Variants in GSE1 observed in about 807,000 individuals in gnomAD.
GSE1 encodes Gse1 coiled-coil protein, also known as genetic suppressor element 1.
A neutral mutation model predicts 112.6 loss-of-function variants in GSE1; 32 were observed. The observed-to-expected ratio is 0.28, with a 90% CI of 0.21 to 0.38. The LOEUF (loss-of-function observed/expected upper bound fraction) is 0.38, where lower values mean the gene tolerates loss of function less well. Ranked by LOEUF, GSE1 falls within the 10% of genes least tolerant of loss-of-function variation. The probability of loss-of-function intolerance (pLI) is 1.00; values close to 1 mark genes in which losing one functional copy is unlikely to be tolerated. For synonymous variants in GSE1, 1,115 were observed against 735.6 expected (o/e 1.52, Z -8.35); for missense variants, 2,348 against 1,699.2 (o/e 1.38, Z -6.71).
upstream of GSE1, chr16:85,554,937 C>G: frequency 1.0e-6 from 1 of 985,418 alleles, no homozygotes; most frequent in Non-Finnish European, 1.2e-6. Flanking sequence ...CAGCGGCACC[C>G]TCCCCGGGTT....
At chr16:85,257,142 A>G (rs1907170897) in intron 1 of GSE1, among the ~76,000 whole-genome samples, 4 of 152,180 alleles carry the variant, frequency 2.6e-5, no homozygotes, top group Non-Finnish European at 4.4e-5. Flanking sequence ...TTTTTGAGAC[A>G]GGGTCACCCA....
chr16:85,460,063 C>G (rs1317507746), intron 2 of GSE1, among the ~76,000 whole-genome samples: 1 of 152,200 alleles, frequency 6.6e-6, no homozygotes, highest in Non-Finnish European at 1.5e-5. Context: ...TACCTTCACC[C>G]AGCGCCTGGC....
At position 85,672,587 on chromosome 16, in the gene GSE1, A is replaced by G. The variant is rs766256149; in HGVS notation, c.*48A>G. The G allele has an allele frequency of 7.7e-7, 1 of 1,305,426 alleles. No homozygotes were observed. Among genetic ancestry groups the G allele is most frequent in the Admixed American group, 2.2e-5 (1 of 44,578 alleles). The allele number at this position is 1,305,426 out of a possible 1,614,324, so 80.9% of individuals were successfully genotyped here. A position where few individuals can be genotyped will look rare whatever the true frequency, so the allele number is the denominator to read the frequency against. ...AACCTATAGTATAGAAATATTATCT[A>G]TTTTATTACCTTGAATATTTAATAT... On this transcript the variant is annotated 3_prime_UTR_variant, in exon 16 of 16. Transcript: ENST00000253458.
intron 2 of GSE1, among the ~76,000 whole-genome samples, chr16:85,466,562 T>C (rs2151835507): frequency 6.6e-6 from 1 of 152,196 alleles, no homozygotes; most frequent in East Asian, 1.9e-4. Flanking sequence ...TAGGGCCAGG[T>C]GGCCATGCCT....
chr16:85,325,779 C>T (rs575904771), intron 1 of GSE1, among the ~76,000 whole-genome samples: 2 of 118,620 alleles, frequency 1.7e-5, no homozygotes, highest in African/African-American at 6.9e-5. Flanking sequence ...TTTTTTGAGA[C>T]GGAGTCTCCC....
chr16:85,497,096 G>T (rs919137272), intron 2 of GSE1, among the ~76,000 whole-genome samples: 1 of 151,998 alleles, frequency 6.6e-6, no homozygotes, highest in Non-Finnish European at 1.5e-5. Context: ...ACAGGGTTTC[G>T]CCATGTTGGC....
chr16:85,186,769 C>T (rs1314955306), intron 1 of GSE1, among the ~76,000 whole-genome samples: 1 of 152,050 alleles, frequency 6.6e-6, no homozygotes. Context: ...TATATCAAAA[C>T]AACAAAAGAC....
rs181774519 is a variant in GSE1 at position 85,664,164 on chromosome 16, G to A, written c.2644+550G>A. On this transcript the variant is annotated intron_variant, in intron 11 of 15. Transcript: ENST00000253458. ...GAATCCATATAGCAGAAGAAACAAC[G>A]CAGCCACAACACCTGCTCAGGGTTT... Among the ~76,000 whole-genome samples the A allele has an allele frequency of 2.5e-3, 382 of 152,342 alleles. 1 individual carries two copies. The highest frequency in any genetic ancestry group is 8.7e-3 in the African/African-American group (362 of 41,586).
intron 1 of GSE1, among the ~76,000 whole-genome samples, chr16:85,564,411 A>T (rs2045652106): frequency 6.6e-6 from 1 of 152,234 alleles, no homozygotes; most frequent in South Asian, 2.1e-4. Flanking sequence ...GGGGGCATGG[A>T]TTGAGTAATC....
At chr16:85,287,665 C>A (rs139475833) in intron 1 of GSE1, among the ~76,000 whole-genome samples, 191 of 152,136 alleles carry the variant, frequency 1.3e-3, no homozygotes, top group African/African-American at 4.5e-3. Context: ...TCTTTCCTGA[C>A]CACCCTTTCT....
At position 85,364,248 on chromosome 16, in the gene GSE1, C is replaced by T. The variant is rs80264125; in HGVS notation, c.2464+6605C>T. ...CCAGCAACTCAGCGTCTCTCAGACC[C>T]TGCTTCCGGGTGGCACCTCCTTCTC... On this transcript the variant is annotated intron_variant, in intron 2 of 2. Coordinates refer to the GSE1 transcript ENST00000637419. 7.9e-3 allele frequency among the ~76,000 whole-genome samples: 1,206 copies of T among 152,314 alleles called. 17 individuals are homozygous for T. Among genetic ancestry groups the T allele is most frequent in the African/African-American group, 0.027 (1,142 of 41,568 alleles).
intron 2 of GSE1, among the ~76,000 whole-genome samples, chr16:85,449,421 G>A (rs914232394): frequency 2.5e-4 from 38 of 152,382 alleles, no homozygotes; most frequent in Admixed American, 2.2e-3. Context: ...CATGGGGGGC[G>A]GGGAAGATCA....
intron 1 of GSE1, among the ~76,000 whole-genome samples, chr16:85,561,252 T>C (rs1025361708): frequency 5.3e-5 from 8 of 152,130 alleles, no homozygotes; most frequent in African/African-American, 1.9e-4. Context: ...CTTACCCCCC[T>C]TGACAGCCAG....
chr16:85,328,780 G>C (rs1271668136), intron 1 of GSE1, among the ~76,000 whole-genome samples: 1 of 151,796 alleles, frequency 6.6e-6, no homozygotes, highest in African/African-American at 2.4e-5. Context: ...GATTGACAAG[G>C]CCTTGCGGCT....
chr16:85,612,526 GT>G (rs983316944), upstream of GSE1, among the ~76,000 whole-genome samples: 118 of 152,246 alleles, frequency 7.8e-4, 1 homozygote, highest in Middle Eastern at 3.4e-3. Flanking sequence ...CGGCGCCTCC[GT>G]GGGTTCTCCA....
Position 85,660,929 on chromosome 16 carries a change from C to T in GSE1, c.1641-217C>T, listed in dbSNP as rs530237082. The stretch of plus-strand genomic sequence containing the variant: ...ACAGGGATGAGCCACTGCGCCCGGC[C>T]GAGTCTTTAAAGAAAAGAAAGGAAA... On this transcript the variant is annotated intron_variant, in intron 8 of 15. Transcript: ENST00000253458. Among the ~76,000 whole-genome samples, 12 of 152,212 alleles carry T rather than the reference C, an allele frequency of 7.9e-5. No individual in the cohort carries two copies. In the South Asian group the frequency reaches 1.2e-3, roughly 16 times the overall value.
intron 1 of GSE1, among the ~76,000 whole-genome samples, chr16:85,565,174 G>A (rs1207697355): frequency 2.6e-5 from 4 of 152,002 alleles, no homozygotes; most frequent in Non-Finnish European, 5.9e-5. Flanking sequence ...GGTGGATCAC[G>A]AGGTCACGAG....
intron 1 of GSE1, among the ~76,000 whole-genome samples, chr16:85,355,081 C>A (rs114616362): frequency 0.014 from 2,067 of 152,260 alleles, 38 homozygotes; most frequent in African/African-American, 0.04. Flanking sequence ...CATATGGATC[C>A]CATAAATTAA....
intron 1 of GSE1, among the ~76,000 whole-genome samples, chr16:85,572,117 CGCACACACA>C (rs1351918183): frequency 1.4e-5 from 2 of 147,906 alleles, no homozygotes; most frequent in East Asian, 4.1e-4. Context: ...CCACACACAA[CGCACACACA>C]CACACCACAT....
Sources: gnomAD v4.1 joint callset for allele counts (sites outside exome capture counted in the v4.1 genomes callset) on GRCh38, gnomAD v4.1.1 for gene constraint, MANE v1.5 for transcripts, NCBI Gene and HGNC (gene_info 2026-07-23, HGNC 2026-07-21) for gene names.